ABLIM1: variants seen among roughly 807,000 people sequenced by gnomAD.
ABLIM1 encodes the protein actin-binding LIM protein 1.
ABLIM1 carries 40 observed loss-of-function variants against 107.0 expected under a neutral mutation model. That is an observed-to-expected ratio of 0.37 (90% CI 0.29 to 0.49). The LOEUF is 0.49. Among genes scored for constraint, ABLIM1 ranks in the 20% least tolerant of loss-of-function variants. The pLI is 0.97. For synonymous variants in ABLIM1, 357 were observed against 357.3 expected, an observed-to-expected ratio of 1.00 and a Z score of 0.01; for missense variants, 857 against 1,008.5, an observed-to-expected ratio of 0.85 and a Z score of 2.04.
chr10:114,567,893 A>T (rs942243200), intron 4 of ABLIM1, among the ~76,000 whole-genome samples: 19 of 152,182 alleles, frequency 1.2e-4, no homozygotes, highest in Admixed American at 6.5e-5. Flanking sequence ...ATTCACATTT[A>T]AAAAAGGCTA....
At chr10:114,697,164 G>A (rs1371755467) in intron 1 of ABLIM1, among the ~76,000 whole-genome samples, 2 of 152,124 alleles carry the variant, frequency 1.3e-5, no homozygotes, top group Non-Finnish European at 2.9e-5. Flanking sequence ...CATGGGATCA[G>A]AGAAAAACAA....
At chr10:114,470,151 G>A (rs754671924) in intron 10 of ABLIM1, among the ~76,000 whole-genome samples, 8 of 152,106 alleles carry the variant, frequency 5.3e-5, no homozygotes, top group Non-Finnish European at 8.8e-5. Flanking sequence ...GGCCAGGTGC[G>A]GTGGCTCACA....
At chr10:114,757,025 A>G (rs1480460580) in intron 1 of ABLIM1, among the ~76,000 whole-genome samples, 1 of 152,200 alleles carries the variant, frequency 6.6e-6, no homozygotes, top group Non-Finnish European at 1.5e-5. Context: ...GCATCTTCAT[A>G]TTTCAATAGT....
chr10:114,659,591 T>TA (rs1431338876), upstream of ABLIM1, among the ~76,000 whole-genome samples: 1 of 152,166 alleles, frequency 6.6e-6, no homozygotes, highest in Non-Finnish European at 1.5e-5. Context: ...GTCAGGAACT[T>TA]ACATTTCTTT....
At chr10:114,547,173 C>T (rs1370967274) in intron 5 of ABLIM1, among the ~76,000 whole-genome samples, 1 of 151,232 alleles carries the variant, frequency 6.6e-6, no homozygotes, top group African/African-American at 2.4e-5. Context: ...AAAAAAAAGC[C>T]TCACTTCCTT....
intron 6 of ABLIM1, among the ~76,000 whole-genome samples, chr10:114,520,605 A>C (rs1381134575): frequency 1.3e-5 from 2 of 152,066 alleles, no homozygotes; most frequent in South Asian, 2.1e-4. Context: ...ATTTGTTTAC[A>C]TAAGAAGAAT....
rs2059619212 is a variant in ABLIM1 at position 114,437,710 on chromosome 10, T to C, written c.2223+134A>G. On this transcript the variant is annotated intron_variant, in intron 22 of 22. Coordinates refer to ENST00000533213, the MANE Select transcript of ABLIM1 (RefSeq NM_002313.7). The stretch of plus-strand genomic sequence containing the variant: ...TTTTTCTCCAAAGTTATTTCTTAGT[T>C]CTACCTATGACATGAGGGTGATCTT... 7.0e-6 allele frequency: 5 copies of C among 719,242 alleles called. No homozygotes were observed. In the Admixed American group the frequency reaches 8.0e-5, roughly 11 times the overall value. 44.6% of individuals were successfully genotyped at this position (719,242 alleles called of 1,614,324 possible).
chr10:114,720,122 T>C (rs1353051604), intron 1 of ABLIM1, among the ~76,000 whole-genome samples: 1 of 152,164 alleles, frequency 6.6e-6, no homozygotes, highest in Non-Finnish European at 1.5e-5. Flanking sequence ...AAACATGCGG[T>C]ATTTGGTTTT....
chr10:114,758,203 A>C (rs1439513006), intron 1 of ABLIM1, among the ~76,000 whole-genome samples: 1 of 152,160 alleles, frequency 6.6e-6, no homozygotes, highest in Non-Finnish European at 1.5e-5. Context: ...TTATATGGTA[A>C]GTGGTTGTCA....
At chr10:114,714,648 C>T (rs913000936) in intron 1 of ABLIM1, among the ~76,000 whole-genome samples, 10 of 152,082 alleles carry the variant, frequency 6.6e-5, no homozygotes, top group Non-Finnish European at 1.3e-4. Flanking sequence ...TGCAAAATGC[C>T]GTTTGTTTAC....
intron 1 of ABLIM1, among the ~76,000 whole-genome samples, chr10:114,646,210 C>T (rs1355628793): frequency 6.6e-6 from 1 of 152,188 alleles, no homozygotes; most frequent in Admixed American, 6.5e-5. Flanking sequence ...CACAATATTT[C>T]CTCTTCCTGA....
the ABLIM1 span, among the ~76,000 whole-genome samples, chr10:114,788,241 CTTGT>C: frequency 1.3e-5 from 2 of 148,160 alleles, no homozygotes; most frequent in Non-Finnish European, 3.0e-5. Flanking sequence ...CCTTTGTTCA[CTTGT>C]TTATCTGCTG....
chr10:114,736,770 C>T (rs1355567397), intron 1 of ABLIM1, among the ~76,000 whole-genome samples: 2 of 145,814 alleles, frequency 1.4e-5, no homozygotes, highest in Non-Finnish European at 3.1e-5. Flanking sequence ...TGTTGCTGAA[C>T]ATCCTACTAA....
intron 12 of ABLIM1, among the ~76,000 whole-genome samples, chr10:114,456,242 C>T (rs917861927): frequency 6.6e-6 from 1 of 152,110 alleles, no homozygotes; most frequent in African/African-American, 2.4e-5. Flanking sequence ...GTCACAGTTT[C>T]CAAGTAAATG....
chr10:114,727,196 C>T (rs1262287406), intron 1 of ABLIM1, among the ~76,000 whole-genome samples: 1 of 152,120 alleles, frequency 6.6e-6, no homozygotes, highest in Non-Finnish European at 1.5e-5. Context: ...GTGTCACCTG[C>T]CAAAACAAAC....
chr10:114,441,573 A>G (rs2060201780), intron 18 of ABLIM1, 149 bp downstream of exon 18: 1 of 641,102 alleles, frequency 1.6e-6, no homozygotes, highest in East Asian at 2.7e-5. Flanking sequence ...AACTCAAATT[A>G]ATTTACTAGG....
intron 1 of ABLIM1, among the ~76,000 whole-genome samples, chr10:114,729,320 A>G (rs1319111068): frequency 1.3e-5 from 2 of 152,080 alleles, no homozygotes; most frequent in Non-Finnish European, 2.9e-5. Flanking sequence ...TCAGCCTGGC[A>G]GCACCACCCT....
upstream of ABLIM1, chr10:114,658,297 C>G (rs2079624424): frequency 1.3e-6 from 2 of 1,508,942 alleles, no homozygotes; most frequent in African/African-American, 1.4e-5. Context: ...TCCTTACTGT[C>G]TCCTTTTCTC....
At chr10:114,697,218 A>G (rs2081213956) in intron 1 of ABLIM1, among the ~76,000 whole-genome samples, 1 of 152,144 alleles carries the variant, frequency 6.6e-6, no homozygotes, top group African/African-American at 2.4e-5. Flanking sequence ...CTTCCTTCCC[A>G]CACTCCGCTC....
Sources: allele counts gnomAD v4.1 joint callset (sites outside exome capture counted in the v4.1 genomes callset), GRCh38; gene constraint gnomAD v4.1.1; transcripts MANE v1.5; gene names NCBI Gene and HGNC (gene_info 2026-07-23, HGNC 2026-07-21).